The following EIF4G3 variants were observed in gnomAD, a reference collection of about 807,000 sequenced individuals.
The protein encoded by EIF4G3 is eukaryotic translation initiation factor 4 gamma 3.
EIF4G3 carries 34 observed loss-of-function variants against 186.4 expected under a neutral mutation model. The observed-to-expected ratio is 0.18, with a 90% confidence interval of 0.14 to 0.24. EIF4G3 has a LOEUF of 0.24. Among genes scored for constraint, EIF4G3 ranks in the 10% least tolerant of loss-of-function variants. The pLI, the probability that EIF4G3 is intolerant of heterozygous loss-of-function variation, is 1.00. For synonymous variants in EIF4G3, 673 were observed against 679.5 expected (o/e 0.99, Z 0.15); for missense variants, 1,536 against 1,948.5 (o/e 0.79, Z 3.99).
At chr1:21,007,525 A>AAAAAAAAAC (rs2085495670) in intron 4 of EIF4G3, among the ~76,000 whole-genome samples, 7 of 139,570 alleles carry the variant, frequency 5.0e-5, no homozygotes, top group Admixed American at 4.3e-4. Context: ...TAAAAAAAAA[A>AAAAAAAAAC]AAAAAAAAAA....
chr1:21,008,368 A>T (rs2085939887), intron 4 of EIF4G3, among the ~76,000 whole-genome samples: 1 of 151,572 alleles, frequency 6.6e-6, no homozygotes. Context: ...ACGGAGTCTC[A>T]CTCTGTCACC....
At chr1:20,858,194 CT>C (rs2154551474) in intron 24 of EIF4G3, among the ~76,000 whole-genome samples, 1 of 152,272 alleles carries the variant, frequency 6.6e-6, no homozygotes, top group East Asian at 1.9e-4. Flanking sequence ...GTTCAAAACA[CT>C]TCTGATACCT....
chr1:21,074,840 C>T (rs948222347), intron 3 of EIF4G3, among the ~76,000 whole-genome samples: 2 of 152,036 alleles, frequency 1.3e-5, no homozygotes, highest in African/African-American at 4.8e-5. Context: ...AGAGGCCGAG[C>T]GAGGTGAGAG....
intron 23 of EIF4G3, among the ~76,000 whole-genome samples, chr1:20,861,301 A>C (rs574169138): frequency 6.6e-6 from 1 of 152,334 alleles, no homozygotes; most frequent in South Asian, 2.1e-4. Context: ...GAAACTTACA[A>C]AAGAGTAACT....
intron 4 of EIF4G3, among the ~76,000 whole-genome samples, chr1:21,046,683 C>T (rs2093911722): frequency 6.6e-6 from 1 of 152,184 alleles, no homozygotes; most frequent in South Asian, 2.1e-4. Flanking sequence ...TGATCTTATC[C>T]TCAGTTGACT....
At chr1:20,986,415 G>A (rs1348238160) in intron 7 of EIF4G3, among the ~76,000 whole-genome samples, 3 of 152,040 alleles carry the variant, frequency 2.0e-5, no homozygotes, top group African/African-American at 7.2e-5. Context: ...TCTTACAATT[G>A]TGTTTTGAAG....
intron 2 of EIF4G3, among the ~76,000 whole-genome samples, chr1:21,143,035 G>A (rs1274908801): frequency 6.6e-6 from 1 of 152,036 alleles, no homozygotes; most frequent in Admixed American, 6.6e-5. Flanking sequence ...GATCACTTGA[G>A]GTTAGGAGTT....
At chr1:20,902,221 G>T (rs1010666526) in intron 15 of EIF4G3, among the ~76,000 whole-genome samples, 1 of 151,790 alleles carries the variant, frequency 6.6e-6, no homozygotes, top group Non-Finnish European at 1.5e-5. Context: ...ACACTACTAC[G>T]CCTGGCTAAT....
chr1:21,135,455 C>T (rs574628434), intron 2 of EIF4G3, among the ~76,000 whole-genome samples: 2 of 152,252 alleles, frequency 1.3e-5, no homozygotes, highest in African/African-American at 4.8e-5. Context: ...GAACCGAGAT[C>T]GTGGCATTGC....
intron 2 of EIF4G3, among the ~76,000 whole-genome samples, chr1:21,128,201 C>T (rs761107339): frequency 5.6e-4 from 80 of 142,828 alleles, no homozygotes; most frequent in Non-Finnish European, 1.1e-3. Context: ...AGCAAGACTC[C>T]GTCTCAAAAA....
chr1:21,010,577 A>G (rs1250206239), intron 4 of EIF4G3, among the ~76,000 whole-genome samples: 1 of 152,206 alleles, frequency 6.6e-6, no homozygotes. Flanking sequence ...CTTGCAAAAA[A>G]CAAACTCTAT....
chr1:20,807,111 T>C lies in EIF4G3; in HGVS notation c.*208A>G, dbSNP rs1166443274. ...AATAATACATGTATTTTGGTTTTAG[T>C]GCTCCCGCCCTAAGGTTTGAAGTTT... On this transcript the variant is annotated 3_prime_UTR_variant, in exon 37 of 37. Coordinates refer to ENST00000602326, the MANE Select transcript of EIF4G3 (RefSeq NM_001391906.1). 1.0e-5 allele frequency: 4 copies of C among 381,744 alleles called. No homozygotes were observed. The highest frequency in any genetic ancestry group is 6.2e-5 in the African/African-American group (3 of 48,290). The allele number at this position is 381,744 out of a possible 1,614,324, so 23.6% of individuals were successfully genotyped here.
At chr1:20,910,305 G>T (rs1472029359) in intron 14 of EIF4G3, among the ~76,000 whole-genome samples, 1 of 152,072 alleles carries the variant, frequency 6.6e-6, no homozygotes, top group Non-Finnish European at 1.5e-5. Context: ...AACCTTCTTG[G>T]CTGGGCATGG....
intron 2 of EIF4G3, among the ~76,000 whole-genome samples, chr1:21,174,503 T>C (rs921959976): frequency 6.6e-6 from 1 of 152,224 alleles, no homozygotes; most frequent in African/African-American, 2.4e-5. Flanking sequence ...ATGCAGGTAA[T>C]GAGTAATTTA....
Position 21,001,290 on chromosome 1 carries a change from T to C in EIF4G3, c.53A>G (p.His18Arg). The C allele has an allele frequency of 2.1e-6, 1 of 471,322 alleles. No homozygotes were observed. Among genetic ancestry groups the C allele is most frequent in the Non-Finnish European group, 4.4e-6 (1 of 227,074 alleles). 29.2% of individuals were successfully genotyped at this position (471,322 alleles called of 1,614,324 possible). A position where few individuals can be genotyped will look rare whatever the true frequency, so the allele number is the denominator to read the frequency against. The change falls in exon 6 of 37, where the codon CAT (histidine) becomes CGT (arginine). Residue 18 changes from histidine to arginine, a missense_variant. This residue lies in a region of EIF4G3 where 194 missense variants were observed against 212.8 expected (regional missense o/e 0.91). Transcript: ENST00000602326. Reference protein sequence around the residue: ...RSPPSRTVPIHCTDNWKRRKV... With the variant: ...RSPPSRTVPIRCTDNWKRRKV... ...CCTCCTCTTCCAGTTGTCTGTGCAA[T>C]GTATTGGCACTGTTCTGCTGGGCTG...
intron 7 of EIF4G3, among the ~76,000 whole-genome samples, chr1:20,994,164 T>C (rs1442745274): frequency 6.6e-6 from 1 of 152,260 alleles, no homozygotes; most frequent in Non-Finnish European, 1.5e-5. Context: ...TTGTATTATA[T>C]ACGGCAGCTT....
chr1:21,147,345 G>T (rs1558181817), intron 2 of EIF4G3, among the ~76,000 whole-genome samples: 1 of 151,560 alleles, frequency 6.6e-6, no homozygotes, highest in African/African-American at 2.4e-5. Context: ...TTTTTTGTTT[G>T]TTTTTTTTCT....
At chr1:21,115,987 G>C (rs2096814011) in intron 2 of EIF4G3, among the ~76,000 whole-genome samples, 1 of 152,068 alleles carries the variant, frequency 6.6e-6, no homozygotes, top group Non-Finnish European at 1.5e-5. Flanking sequence ...GCCTCCCAAA[G>C]TGCTACGATT....
intron 2 of EIF4G3, among the ~76,000 whole-genome samples, chr1:21,170,663 T>C (rs989383559): frequency 6.7e-6 from 1 of 148,154 alleles, no homozygotes; most frequent in African/African-American, 2.5e-5. Flanking sequence ...AGAGACTCTG[T>C]CTCAAAAAAA....
Sources: gnomAD v4.1 joint callset for allele counts (sites outside exome capture counted in the v4.1 genomes callset) on GRCh38, gnomAD v4.1.1 for gene constraint, gnomAD v4.1.1 regional missense constraint, MANE v1.5 for transcripts, NCBI Gene and HGNC (gene_info 2026-07-23, HGNC 2026-07-21) for gene names.